Variants in CDH13 observed in about 807,000 individuals in gnomAD.
The protein encoded by CDH13 is cadherin 13, also known as cadherin-13.
A neutral mutation model predicts 63.8 loss-of-function variants in CDH13; 24 were observed. That is an observed-to-expected ratio of 0.38 (90% CI 0.27 to 0.53). The LOEUF is 0.53. Among genes scored for constraint, CDH13 ranks in the 20% least tolerant of loss-of-function variants. The pLI is 0.85. For synonymous variants in CDH13, 503 were observed against 355.3 expected (o/e 1.42, Z -4.67); for missense variants, 1,049 against 903.1 (o/e 1.16, Z -2.07).
intron 2 of CDH13, among the ~76,000 whole-genome samples, chr16:82,870,890 G>A (rs149798760): frequency 6.6e-6 from 1 of 152,202 alleles, no homozygotes. Context: ...AGGGATGATT[G>A]TAGCTGAAAG....
Position 83,103,837 on chromosome 16 carries a change from T to C in CDH13, c.367-21548T>C, listed in dbSNP as rs558754091. Among the ~76,000 whole-genome samples, 166 of 152,348 alleles carry C rather than the reference T, an allele frequency of 1.1e-3. 1 individual carries two copies. The highest frequency in any genetic ancestry group is 9.3e-3 in the South Asian group (45 of 4,826). On this transcript the variant is annotated intron_variant, in intron 3 of 13. Coordinates refer to ENST00000567109, the MANE Select transcript of CDH13 (RefSeq NM_001257.5). ...TGCACACAGTAAGTGCTCTGTCATT[T>C]TCTAGAACACATTGATGTTTAAAAA...
intron 6 of CDH13, among the ~76,000 whole-genome samples, chr16:83,460,187 A>G (rs564497882): frequency 1.3e-5 from 2 of 152,382 alleles, no homozygotes; most frequent in South Asian, 4.1e-4. Context: ...AGTAACAATT[A>G]GATGTATTTA....
chr16:83,215,761 G>C (rs1042625184), intron 4 of CDH13, among the ~76,000 whole-genome samples: 1 of 152,166 alleles, frequency 6.6e-6, no homozygotes, highest in Admixed American at 6.5e-5. Context: ...GTGCCTGTTC[G>C]TTTGTAATTT....
At chr16:82,690,845 G>C (rs945027177) in intron 1 of CDH13, among the ~76,000 whole-genome samples, 1 of 152,234 alleles carries the variant, frequency 6.6e-6, no homozygotes, top group Non-Finnish European at 1.5e-5. Flanking sequence ...TGAGCTGACT[G>C]TCAACCCCGC....
intron 6 of CDH13, among the ~76,000 whole-genome samples, chr16:83,435,260 T>C (rs763792279): frequency 2.1e-4 from 32 of 152,102 alleles, no homozygotes; most frequent in Non-Finnish European, 4.4e-4. Flanking sequence ...GCCAGGCTTG[T>C]CTCAAACTCC....
At chr16:83,454,881 A>AT (rs2072980440) in intron 6 of CDH13, among the ~76,000 whole-genome samples, 1 of 151,706 alleles carries the variant, frequency 6.6e-6, no homozygotes, top group South Asian at 2.1e-4. Context: ...TAAGTTTTGT[A>AT]TTTTTTTAGT....
At chr16:83,457,837 T>G (rs2073065324) in intron 6 of CDH13, among the ~76,000 whole-genome samples, 1 of 152,202 alleles carries the variant, frequency 6.6e-6, no homozygotes, top group Non-Finnish European at 1.5e-5. Context: ...TTTGTCTCTC[T>G]CCCAGATTTC....
chr16:83,370,066 T>A (rs970585688), intron 6 of CDH13, among the ~76,000 whole-genome samples: 1 of 152,190 alleles, frequency 6.6e-6, no homozygotes, highest in Non-Finnish European at 1.5e-5. Context: ...TATCTCCTGC[T>A]ACTCAAGTAT....
rs750723318 is a variant in CDH13 at position 82,657,451 on chromosome 16, C to A, written c.45+30314C>A. ...CTGAAGAAAATGATAATTCACATTC[C>A]CGGCAGGATGGAGTGGGATGACAGA... On this transcript the variant is annotated intron_variant, in intron 1 of 13. Transcript: ENST00000567109. Among the ~76,000 whole-genome samples, 7 of 152,048 alleles carry A rather than the reference C, an allele frequency of 4.6e-5. No individual in the cohort carries two copies. In the East Asian group the frequency reaches 9.6e-4, roughly 21 times the overall value.
intron 6 of CDH13, among the ~76,000 whole-genome samples, chr16:83,451,938 G>A (rs2072897923): frequency 1.3e-5 from 2 of 152,230 alleles, no homozygotes; most frequent in African/African-American, 4.8e-5. Flanking sequence ...GTGTGAATTG[G>A]ACCCAGCTCA....
intron 2 of CDH13, among the ~76,000 whole-genome samples, chr16:82,909,332 AAG>A (rs1430961847): frequency 3.3e-5 from 5 of 151,382 alleles, no homozygotes; most frequent in Admixed American, 6.6e-5. Flanking sequence ...TGTTAAATAT[AAG>A]AGGTAATTAT....
intron 6 of CDH13, among the ~76,000 whole-genome samples, chr16:83,475,704 C>G (rs1432918400): frequency 6.6e-6 from 1 of 152,274 alleles, no homozygotes; most frequent in African/African-American, 2.4e-5. Context: ...ACCTCAGCCT[C>G]CCCAGTAACT....
At chr16:83,603,528 G>A (rs112107617) in intron 8 of CDH13, among the ~76,000 whole-genome samples, 4 of 152,168 alleles carry the variant, frequency 2.6e-5, no homozygotes, top group African/African-American at 9.7e-5. Context: ...AGTGAACCAG[G>A]TTCCTGTGAT....
At chr16:83,313,911 C>G (rs1350211136) in intron 5 of CDH13, among the ~76,000 whole-genome samples, 1 of 152,144 alleles carries the variant, frequency 6.6e-6, no homozygotes, top group Non-Finnish European at 1.5e-5. Flanking sequence ...CTAAGGTAAC[C>G]TACTTAAAAC....
intron 3 of CDH13, among the ~76,000 whole-genome samples, chr16:83,064,583 A>G (rs1386219431): frequency 1.3e-5 from 2 of 152,220 alleles, no homozygotes; most frequent in African/African-American, 4.8e-5. Context: ...AAGCAACATA[A>G]AAAGCAATGA....
At chr16:82,697,750 TG>T (rs1196363227) in intron 1 of CDH13, among the ~76,000 whole-genome samples, 3 of 5,246 alleles carry the variant, frequency 5.7e-4, no homozygotes, top group African/African-American at 7.0e-4. Flanking sequence ...TGTGTGTGTG[TG>T]TGTGTGTGTG....
intron 2 of CDH13, among the ~76,000 whole-genome samples, chr16:82,941,298 G>C (rs1393795720): frequency 6.6e-6 from 1 of 152,082 alleles, no homozygotes; most frequent in Non-Finnish European, 1.5e-5. Context: ...ATGCCAACTG[G>C]GATCTCCCAT....
At chr16:82,890,326 C>G (rs1597150026) in intron 2 of CDH13, among the ~76,000 whole-genome samples, 1 of 152,160 alleles carries the variant, frequency 6.6e-6, no homozygotes, top group Non-Finnish European at 1.5e-5. Flanking sequence ...TGGAAAGACC[C>G]AGCCCTTTCA....
intron 3 of CDH13, among the ~76,000 whole-genome samples, chr16:83,086,162 C>G (rs116742489): frequency 0.016 from 2,484 of 152,222 alleles, 64 homozygotes; most frequent in African/African-American, 0.056. Context: ...CTGGTGTCTT[C>G]CAGTTCACTA....
Sources: gnomAD v4.1 joint callset for allele counts (sites outside exome capture counted in the v4.1 genomes callset) on GRCh38, gnomAD v4.1.1 for gene constraint, MANE v1.5 for transcripts, NCBI Gene and HGNC (gene_info 2026-07-23, HGNC 2026-07-21) for gene names.